Variants in REV1 observed in about 807,000 individuals in gnomAD.
The protein encoded by REV1 is translesion synthesis protein REV1.
REV1 carries 42 observed loss-of-function variants against 137.4 expected under a neutral mutation model. That is an observed-to-expected ratio of 0.31 (90% CI 0.24 to 0.40). REV1 has a LOEUF of 0.40. Among genes scored for constraint, REV1 ranks in the 10% least tolerant of loss-of-function variants. REV1 has a pLI of 1.00. For synonymous variants in REV1, 524 were observed against 519.2 expected (o/e 1.01, Z -0.12); for missense variants, 1,282 against 1,490.1 (o/e 0.86, Z 2.30).
chr2:99,459,945 G>T (rs1030537951), intron 3 of REV1, among the ~76,000 whole-genome samples: 7 of 152,076 alleles, frequency 4.6e-5, no homozygotes, highest in Non-Finnish European at 7.4e-5. Flanking sequence ...AGAACACTTG[G>T]ATTATTACAG....
intron 1 of REV1, among the ~76,000 whole-genome samples, chr2:99,487,272 AGAT>A (rs1687253773): frequency 2.0e-5 from 1 of 49,882 alleles, no homozygotes; most frequent in African/African-American, 6.7e-5. Flanking sequence ...ATGGCGACTA[AGAT>A]TCAAATGTAA....
At chr2:99,422,831 G>C (rs999681694) in intron 10 of REV1, among the ~76,000 whole-genome samples, 40 of 152,134 alleles carry the variant, frequency 2.6e-4, no homozygotes, top group Admixed American at 7.2e-4. Flanking sequence ...TCAGGCACAG[G>C]CTGATGCTTG....
chr2:99,466,297 C>T (rs773185065), intron 1 of REV1, among the ~76,000 whole-genome samples: 5 of 151,830 alleles, frequency 3.3e-5, no homozygotes, highest in African/African-American at 7.3e-5. Context: ...GGCTGAAGTG[C>T]AGTGGCACGA....
chr2:99,453,104 T>C lies in REV1; in HGVS notation c.182-3600A>G, dbSNP rs189461512. Among the ~76,000 whole-genome samples, 347 of 152,298 alleles carry C rather than the reference T, an allele frequency of 2.3e-3. 5 individuals carry two copies. The highest frequency in any genetic ancestry group is 8.1e-3 in the African/African-American group (338 of 41,570). On this transcript the variant is annotated intron_variant, in intron 3 of 22. Transcript: ENST00000258428. ...GGCCAGGTGCAGTGGCTCACACCTG[T>C]AATCCCAGCACTCTGGGAGGCCAAG...
intron 15 of REV1, among the ~76,000 whole-genome samples, chr2:99,407,458 A>G (rs1371369809): frequency 1.4e-5 from 2 of 147,538 alleles, no homozygotes; most frequent in African/African-American, 4.9e-5. Flanking sequence ...AGGCTGAAGA[A>G]GGAGAATTGC....
chr2:99,452,506 A>T (rs928579307), intron 3 of REV1, among the ~76,000 whole-genome samples: 14 of 152,104 alleles, frequency 9.2e-5, no homozygotes, highest in African/African-American at 3.4e-4. Flanking sequence ...ACATTGTGTG[A>T]CACACTGCCT....
chr2:99,403,148 A>G (rs1559274986), intron 19 of REV1, 42 bp from the exon 20 acceptor site: 1 of 1,445,898 alleles, frequency 6.9e-7, no homozygotes, highest in Non-Finnish European at 9.3e-7. Flanking sequence ...AAATGATAGT[A>G]TGGATAGTCT....
chr2:99,413,036 A>G, intron 12 of REV1, 85 bp from the exon 13 acceptor site: 4 of 925,334 alleles, frequency 4.3e-6, no homozygotes, highest in Non-Finnish European at 5.1e-6. Flanking sequence ...TTTATGCACA[A>G]AACAACTAGT....
Position 99,430,082 on chromosome 2 carries a change from T to TCTCTATCTC in REV1, c.1439-135_1439-134insGAGATAGAG, listed in dbSNP as rs772312599. 9.6e-4 allele frequency: 454 copies of TCTCTATCTC among 474,586 alleles called. 1 individual carries two copies. The highest frequency in any genetic ancestry group is 1.3e-3 in the Non-Finnish European group (358 of 272,172). The allele number at this position is 474,586 out of a possible 1,614,324, so 29.4% of individuals were successfully genotyped here. A position where few individuals can be genotyped will look rare whatever the true frequency, so the allele number is the denominator to read the frequency against. ...CCAAATACAGTTATCTCTATTGGTATTATCTCCTTATCTAATAAAAGAAAA... is the reference window on the plus strand; with the variant it reads ...CCAAATACAGTTATCTCTATTGGTATCTCTATCTCTATCTCCTTATCTAATAAAAGAAAA... On this transcript the variant is annotated intron_variant, in intron 8 of 22. Coordinates refer to ENST00000258428, the MANE Select transcript of REV1 (RefSeq NM_016316.4).
chr2:99,443,127 T>A (rs898696240), intron 4 of REV1, among the ~76,000 whole-genome samples: 2 of 152,232 alleles, frequency 1.3e-5, no homozygotes, highest in African/African-American at 4.8e-5. Flanking sequence ...AAACTGACAT[T>A]TTCTTGCTAA....
At chr2:99,418,573 A>C (rs1241959005) in intron 12 of REV1, among the ~76,000 whole-genome samples, 3 of 152,200 alleles carry the variant, frequency 2.0e-5, no homozygotes, top group African/African-American at 7.2e-5. Flanking sequence ...GTTTCTTAGA[A>C]TCTTGCTACT....
chr2:99,438,870 G>A lies in REV1; in HGVS notation c.944C>T (p.Ser315Phe). Reference protein sequence around the residue: ...SNTKINGAHHSTVQGPSSTKS... With the variant: ...SNTKINGAHHFTVQGPSSTKS... ...TGTGCTTGAAGGCCCCTGAACAGTG[G>A]AGTGGTGAGCACCATTGATTTTAGT... is the stretch of plus-strand genomic sequence containing the variant. Residue 315 changes from serine (S) to phenylalanine (F), a missense_variant, in exon 6 of 23, where the codon TCC becomes TTC. This residue lies in a region of REV1 where 432 missense variants were observed against 438.0 expected (regional missense o/e 0.99). Transcript: ENST00000258428. The A allele has an allele frequency of 1.2e-6, 2 of 1,614,216 alleles. No individual in the cohort carries two copies. Among genetic ancestry groups the A allele is most frequent in the Non-Finnish European group, 1.7e-6 (2 of 1,180,052 alleles).
chr2:99,475,175 A>T (rs780610277), intron 1 of REV1, among the ~76,000 whole-genome samples: 5 of 152,180 alleles, frequency 3.3e-5, no homozygotes, highest in Non-Finnish European at 7.3e-5. Context: ...AACAAAGGAG[A>T]CAGGGTCATT....
At chr2:99,469,076 G>A (rs1299002328) in intron 1 of REV1, among the ~76,000 whole-genome samples, 1 of 152,128 alleles carries the variant, frequency 6.6e-6, no homozygotes, top group Non-Finnish European at 1.5e-5. Flanking sequence ...AACAAAGTTC[G>A]ACTGCAGAAT....
At position 99,438,959 on chromosome 2, in the gene REV1, G is replaced by A; in HGVS notation, c.855C>T (p.Asn285=). 7 of 1,614,176 alleles carry A rather than the reference G, an allele frequency of 4.3e-6. No individual in the cohort carries two copies. In the Middle Eastern group the frequency reaches 1.2e-3, roughly 266 times the overall value. The part of the protein sequence containing the change: ...TLQQLQQSTR[N]TDALRNPHRT... ...TGTGTGGATTCCGCAAAGCATCTGT[G>A]TTTCTGGTGCTTTGCTGCAACTGCT... The change falls in exon 6 of 23, where the codon AAC becomes AAT. Residue 285 remains asparagine, a synonymous_variant. Transcript: ENST00000258428.
intron 1 of REV1, among the ~76,000 whole-genome samples, chr2:99,473,003 C>T (rs1685583696): frequency 6.6e-6 from 1 of 152,094 alleles, no homozygotes; most frequent in Non-Finnish European, 1.5e-5. Context: ...TGTACGGGCA[C>T]TACAGACATG....
intron 18 of REV1, 107 bp from the exon 19 acceptor site, chr2:99,403,922 C>G (rs1173433863): frequency 1.5e-6 from 2 of 1,369,656 alleles, no homozygotes; most frequent in Non-Finnish European, 1.0e-6. Context: ...CTTTTCTGAT[C>G]TGTACGAATT....
intron 12 of REV1, among the ~76,000 whole-genome samples, chr2:99,416,272 A>C (rs1677841322): frequency 6.6e-6 from 1 of 152,256 alleles, no homozygotes; most frequent in Non-Finnish European, 1.5e-5. Context: ...AAAGATAAAT[A>C]GGTTTCTTTT....
chr2:99,438,265 T>C (rs1681016797), intron 6 of REV1, among the ~76,000 whole-genome samples: 1 of 152,188 alleles, frequency 6.6e-6, no homozygotes, highest in Admixed American at 6.5e-5. Context: ...AATTTCATTC[T>C]TACAGGAGTT....
Sources: gnomAD v4.1 joint callset for allele counts (sites outside exome capture counted in the v4.1 genomes callset) on GRCh38, gnomAD v4.1.1 for gene constraint, gnomAD v4.1.1 regional missense constraint, MANE v1.5 for transcripts, NCBI Gene and HGNC (gene_info 2026-07-23, HGNC 2026-07-21) for gene names.